CD8B: variants seen among roughly 807,000 people sequenced by gnomAD.
CD8B encodes the protein CD8 subunit beta.
A neutral mutation model predicts 24.2 loss-of-function variants in CD8B; 6 were observed. The observed-to-expected ratio is 0.25, with a 90% confidence interval of 0.14 to 0.49. The LOEUF (loss-of-function observed/expected upper bound fraction) is 0.49. Ranked by LOEUF, CD8B falls within the 20% of genes least tolerant of loss-of-function variation. The pLI, the probability that CD8B is intolerant of heterozygous loss-of-function variation, is 0.98. For synonymous variants in CD8B, 84 were observed against 108.3 expected (o/e 0.78, Z 1.39); for missense variants, 196 against 271.3 (o/e 0.72, Z 1.95).
chr2:86,842,164 G>A lies in CD8B; in HGVS notation c.*143C>T, dbSNP rs1206616413. The A allele has an allele frequency of 6.7e-7, 1 of 1,490,672 alleles. No homozygotes were observed. Among genetic ancestry groups the A allele is most frequent in the Non-Finnish European group, 8.9e-7 (1 of 1,121,184 alleles). 92.3% of individuals were successfully genotyped at this position (1,490,672 alleles called of 1,614,324 possible). A position where few individuals can be genotyped will look rare whatever the true frequency, so the allele number is the denominator to read the frequency against. The stretch of plus-strand genomic sequence containing the variant: ...TCCCATGCACATCACACACAGAAAG[G>A]CCTTGCAGCAGTGAAAAGCAGGCAG... On this transcript the variant is annotated 3_prime_UTR_variant, in exon 6 of 6. Coordinates refer to ENST00000390655, the MANE Select transcript of CD8B (RefSeq NM_004931.5).
intron 5 of CD8B, among the ~76,000 whole-genome samples, chr2:86,828,442 G>C (rs955234111): frequency 6.6e-6 from 1 of 151,938 alleles, no homozygotes; most frequent in African/African-American, 2.4e-5. Context: ...GTTATTTGAT[G>C]ATGATGATTT....
intron 2 of CD8B, 128 bp downstream of exon 2, chr2:86,857,929 T>G: frequency 1.0e-6 from 1 of 957,968 alleles, no homozygotes; most frequent in African/African-American, 1.6e-5. Flanking sequence ...TTCTTTCTGT[T>G]ACTATTAGCA....
intron 3 of CD8B, among the ~76,000 whole-genome samples, chr2:86,851,338 C>G (rs62146884): frequency 0.14 from 20,678 of 152,092 alleles, 2,108 homozygotes; most frequent in African/African-American, 0.28. Flanking sequence ...TTTGTTTAAA[C>G]TGATGTTGCC....
chr2:86,832,117 G>A (rs1298592961), intron 5 of CD8B, among the ~76,000 whole-genome samples: 1 of 152,182 alleles, frequency 6.6e-6, no homozygotes, highest in Non-Finnish European at 1.5e-5. Flanking sequence ...ATCTGGGGTG[G>A]TGAATTGTAA....
chr2:86,837,317 T>A (rs569898517), downstream of CD8B, among the ~76,000 whole-genome samples: 9 of 152,332 alleles, frequency 5.9e-5, no homozygotes, highest in African/African-American at 2.2e-4. Flanking sequence ...TGTAAGTGTC[T>A]TTTTCAGCGC....
chr2:86,837,674 C>T (rs1160488907), downstream of CD8B, among the ~76,000 whole-genome samples: 3 of 14,380 alleles, frequency 2.1e-4, no homozygotes, highest in Non-Finnish European at 2.8e-4. Flanking sequence ...ACACAAGCTG[C>T]GGGGCGGGGG....
chr2:86,826,536 G>A (rs1674694518), intron 5 of CD8B, among the ~76,000 whole-genome samples: 1 of 152,092 alleles, frequency 6.6e-6, no homozygotes, highest in Non-Finnish European at 1.5e-5. Flanking sequence ...ATGGACTTGG[G>A]TGCATCACCT....
chr2:86,858,567 C>T (rs1045494439), intron 1 of CD8B, 151 bp from the exon 2 acceptor site: 2 of 1,418,824 alleles, frequency 1.4e-6, no homozygotes, highest in Non-Finnish European at 1.8e-6. Context: ...CAGCTGTTGG[C>T]TCCTGGACTC....
chr2:86,834,714 A>G (rs1675100492), downstream of CD8B, among the ~76,000 whole-genome samples: 1 of 152,118 alleles, frequency 6.6e-6, no homozygotes, highest in Non-Finnish European at 1.5e-5. Flanking sequence ...AGGCAGGAGG[A>G]TCATGAGGTC....
At chr2:86,861,788 C>A in intron 1 of CD8B, 35 bp downstream of exon 1, 1 of 1,258,178 alleles carries the variant, frequency 7.9e-7, no homozygotes, top group Non-Finnish European at 1.0e-6. Context: ...CCCGGGAGCG[C>A]AGACCCTTGG....
chr2:86,859,126 G>C (rs1676442551), intron 1 of CD8B, among the ~76,000 whole-genome samples: 1 of 152,042 alleles, frequency 6.6e-6, no homozygotes, highest in African/African-American at 2.4e-5. Context: ...CCCAGGACAG[G>C]CTGGGAGAGG....
At chr2:86,837,397 C>T (rs1214774501), downstream of CD8B, among the ~76,000 whole-genome samples, 2 of 152,132 alleles carry the variant, frequency 1.3e-5, no homozygotes, top group African/African-American at 2.4e-5. Context: ...CGACGCAGGG[C>T]TGGGGAATAT....
chr2:86,817,539 T>A (rs1252517023), intron 5 of CD8B, among the ~76,000 whole-genome samples: 1 of 152,230 alleles, frequency 6.6e-6, no homozygotes, highest in Non-Finnish European at 1.5e-5. Context: ...ATGTACACTC[T>A]GACATTATTT....
At chr2:86,826,568 A>T (rs761824540) in intron 5 of CD8B, among the ~76,000 whole-genome samples, 3 of 152,078 alleles carry the variant, frequency 2.0e-5, no homozygotes, top group Non-Finnish European at 4.4e-5. Flanking sequence ...CTTGGAAAGA[A>T]CCCTAACGAC....
At chr2:86,856,146 G>A (rs1676229158) in intron 2 of CD8B, among the ~76,000 whole-genome samples, 1 of 152,212 alleles carries the variant, frequency 6.6e-6, no homozygotes, top group East Asian at 1.9e-4. Context: ...GGAGAAGCAG[G>A]TTTGGCTGCA....
intron 5 of CD8B, among the ~76,000 whole-genome samples, chr2:86,820,365 T>G (rs1288515525): frequency 1.3e-5 from 2 of 152,218 alleles, no homozygotes; most frequent in Non-Finnish European, 2.9e-5. Context: ...TTGTCCTATT[T>G]TACGAAATTG....
intron 5 of CD8B, among the ~76,000 whole-genome samples, chr2:86,818,609 G>C (rs913482398): frequency 3.3e-5 from 5 of 152,140 alleles, no homozygotes; most frequent in African/African-American, 1.2e-4. Flanking sequence ...CAGTGAACTT[G>C]ATCCATAAAT....
At chr2:86,852,355 C>G (rs1463991198) in intron 3 of CD8B, among the ~76,000 whole-genome samples, 1 of 152,050 alleles carries the variant, frequency 6.6e-6, no homozygotes, top group East Asian at 1.9e-4. Context: ...GTATAAAGTC[C>G]CCTTGTTTAA....
In CD8B at chr2:86,840,476, C is replaced by T. The variant is rs1222779103; in HGVS notation, c.*1831G>A. ...GATTGACCACAGACCAAGCACGGGC[C>T]ATCCCTTCATCCGCATAGGGCGTCA... On this transcript the variant is annotated 3_prime_UTR_variant, in exon 6 of 6. Transcript: ENST00000390655. 6.6e-6 allele frequency among the ~76,000 whole-genome samples: 1 copy of T among 152,212 alleles called. No homozygotes were observed. The highest frequency in any genetic ancestry group is 1.5e-5 in the Non-Finnish European group (1 of 68,034).
Sources: allele counts gnomAD v4.1 joint callset (sites outside exome capture counted in the v4.1 genomes callset), GRCh38; gene constraint gnomAD v4.1.1; transcripts MANE v1.5; gene names NCBI Gene and HGNC (gene_info 2026-07-23, HGNC 2026-07-21).